TRMT2B: variants seen among roughly 807,000 people sequenced by gnomAD.
TRMT2B encodes tRNA (uracil-5-)-methyltransferase homolog B.
A neutral mutation model predicts 39.7 loss-of-function variants in TRMT2B; 34 were observed. The ratio of observed to expected loss-of-function variants is 0.86; its 90% CI spans 0.65 to 1.14. The LOEUF (loss-of-function observed/expected upper bound fraction) is 1.14. Ranked by LOEUF, TRMT2B falls within the 50% of genes most tolerant of loss-of-function variation. TRMT2B has a pLI of 0.00. For missense variants in TRMT2B, 318 were observed against 377.2 expected (o/e 0.84, Z 1.30); for synonymous variants, 132 against 137.3 (o/e 0.96, Z 0.27).
At position 101,023,596 on chromosome X, in the gene TRMT2B, T is replaced by G. The variant is rs2086901399; in HGVS notation, c.630A>C (p.Arg210=). ...QVAQYYEVFL[R]QSPLEPCLVF... The stretch of plus-strand genomic sequence containing the variant: ...CAAGGCAGGGCTCCAATGGAGACTG[T>G]CGAAGGAATACTTCATAGTACTAGG... The change falls in exon 8 of 14, where the codon CGA becomes CGC. Residue 210 remains arginine, a synonymous_variant. Coordinates refer to ENST00000372936, the MANE Select transcript of TRMT2B (RefSeq NM_024917.6). 8.3e-7 allele frequency: 1 copy of G among 1,206,317 alleles called. No individual in the cohort carries two copies. The highest frequency in any genetic ancestry group is 1.1e-6 in the Non-Finnish European group (1 of 892,595).
chrX:100,973,959 G>A, the TRMT2B span, among the ~76,000 whole-genome samples: 1 of 111,697 alleles, frequency 9.0e-6, no homozygotes. Flanking sequence ...GGGCTTTGGT[G>A]AGGGGCTCCC....
the TRMT2B span, chrX:100,987,453 C>T: frequency 1.9e-5 from 23 of 1,209,228 alleles, no homozygotes; most frequent in Middle Eastern, 2.3e-4. Context: ...TGAAGGACTG[C>T]GCTGGCTATT....
At chrX:101,024,679 C>T (rs1402270377) in intron 7 of TRMT2B, among the ~76,000 whole-genome samples, 5 of 111,187 alleles carry the variant, frequency 4.5e-5, no homozygotes, top group Admixed American at 9.6e-5. Flanking sequence ...AAAATTTAGC[C>T]GGGCATCAGG....
intron 5 of TRMT2B, chrX:101,037,646 A>G: frequency 7.6e-6 from 2 of 262,154 alleles, no homozygotes. Flanking sequence ...TGGAGTCTCT[A>G]TCAGATAGAC....
intron 4 of TRMT2B, among the ~76,000 whole-genome samples, chrX:101,038,290 C>T (rs1455833643): frequency 9.8e-6 from 1 of 102,146 alleles, no homozygotes. Context: ...TTCGCTTGAA[C>T]CCAGGAGGTG....
intron 4 of TRMT2B, among the ~76,000 whole-genome samples, chrX:101,038,915 T>G (rs1334264350): frequency 9.1e-6 from 1 of 110,164 alleles, no homozygotes; most frequent in East Asian, 2.9e-4. Context: ...AAACCTGGCT[T>G]ATTTTTTGTA....
At chrX:101,026,834 C>G (rs942504783) in intron 7 of TRMT2B, among the ~76,000 whole-genome samples, 6 of 111,775 alleles carry the variant, frequency 5.4e-5, no homozygotes, top group Non-Finnish European at 1.1e-4. Context: ...CTTCTCTCTC[C>G]TGCACCATCA....
chrX:101,044,227 G>A (rs1462766086), intron 2 of TRMT2B, among the ~76,000 whole-genome samples: 3 of 100,926 alleles, frequency 3.0e-5, no homozygotes, highest in Non-Finnish European at 4.0e-5. Flanking sequence ...GAGTGACAGA[G>A]CGAGACTCCG....
chrX:100,990,675 G>C, the TRMT2B span: 1 of 959,868 alleles, frequency 1.0e-6, no homozygotes, highest in Non-Finnish European at 1.5e-6. Flanking sequence ...TTTGTACCGA[G>C]ATGCTGCTGA....
At chrX:101,000,133 T>C in the TRMT2B span, among the ~76,000 whole-genome samples, 9 of 108,955 alleles carry the variant, frequency 8.3e-5, no homozygotes, top group Middle Eastern at 4.7e-3. Context: ...TTTTTTTTTT[T>C]TTTTGAGATG....
At chrX:100,987,669 C>T in the TRMT2B span, 497 of 846,162 alleles carry the variant, frequency 5.9e-4, no homozygotes, top group Non-Finnish European at 7.7e-4. Flanking sequence ...TTGAGCAAGT[C>T]TCTTGATATC....
chrX:100,999,618 C>T, the TRMT2B span, among the ~76,000 whole-genome samples: 3 of 112,110 alleles, frequency 2.7e-5, no homozygotes, highest in Non-Finnish European at 3.8e-5. Context: ...ATATTACCAA[C>T]GCCTGTGTCC....
intron 2 of TRMT2B, among the ~76,000 whole-genome samples, chrX:101,046,055 A>G (rs1448681851): frequency 9.6e-6 from 1 of 104,346 alleles, no homozygotes; most frequent in Non-Finnish European, 1.9e-5. Context: ...CTGAGGCATG[A>G]GAATCGCTTC....
intron 2 of TRMT2B, among the ~76,000 whole-genome samples, chrX:101,049,487 C>CAAAAAAA (rs1168727839): frequency 4.6e-5 from 1 of 21,641 alleles, no homozygotes; most frequent in African/African-American, 2.4e-4. Flanking sequence ...ACCCTGTCTC[C>CAAAAAAA]AAAAAAAAAA....
chrX:100,997,734 T>TTG, the TRMT2B span, among the ~76,000 whole-genome samples: 2 of 112,177 alleles, frequency 1.8e-5, no homozygotes, highest in African/African-American at 3.2e-5. Context: ...ACAAAATGAT[T>TTG]TGACAAGTAG....
chrX:101,027,406 ATT>A (rs751653222), intron 7 of TRMT2B, among the ~76,000 whole-genome samples: 72 of 90,669 alleles, frequency 7.9e-4, no homozygotes, highest in Middle Eastern at 5.8e-3. Context: ...TAATTTTTGC[ATT>A]TTTTTTTTTT....
intron 10 of TRMT2B, 64 bp from the exon 11 acceptor site, chrX:101,020,652 T>TG: frequency 1.1e-6 from 1 of 918,771 alleles, no homozygotes; most frequent in Non-Finnish European, 1.6e-6. Flanking sequence ...GTTTGTTTGT[T>TG]TTTTGTTTAG....
At chrX:100,982,310 G>C in the TRMT2B span, among the ~76,000 whole-genome samples, 1 of 106,183 alleles carries the variant, frequency 9.4e-6, no homozygotes, top group Admixed American at 1.1e-4. Context: ...GGCCAACATG[G>C]TGAAACCCCC....
the TRMT2B span, among the ~76,000 whole-genome samples, chrX:100,999,882 TA>T: frequency 2.7e-5 from 3 of 111,771 alleles, no homozygotes; most frequent in African/African-American, 9.8e-5. Flanking sequence ...GGAAGTTTTG[TA>T]AAAAGATCCC....
Sources: gnomAD v4.1 joint callset for allele counts (sites outside exome capture counted in the v4.1 genomes callset) on GRCh38, gnomAD v4.1.1 for gene constraint, MANE v1.5 for transcripts, NCBI Gene and HGNC (gene_info 2026-07-23, HGNC 2026-07-21) for gene names.